Variants in ZFR observed in about 807,000 individuals in gnomAD.
ZFR encodes zinc finger RNA-binding protein.
In ZFR, 19 loss-of-function variants were observed where a neutral mutation model predicts 130.7. The ratio of observed to expected loss-of-function variants is 0.15; its 90% CI spans 0.10 to 0.21. The LOEUF (loss-of-function observed/expected upper bound fraction) is 0.21, where lower values mean the gene tolerates loss of function less well. ZFR is among the 10% of genes least tolerant of loss of function. ZFR has a pLI of 1.00. For synonymous variants in ZFR, 466 were observed against 456.9 expected (o/e 1.02, Z -0.25); for missense variants, 872 against 1,321.5 (o/e 0.66, Z 5.27).
chr5:32,397,399 C>T, intron 9 of ZFR, 61 bp from the exon 10 acceptor site: 1 of 1,567,884 alleles, frequency 6.4e-7, no homozygotes, highest in Non-Finnish European at 8.7e-7. Context: ...TTCATAAACC[C>T]CCACATATTA....
chr5:32,401,810 A>G (rs564652371), intron 8 of ZFR, among the ~76,000 whole-genome samples: 1 of 152,362 alleles, frequency 6.6e-6, no homozygotes, highest in East Asian at 1.9e-4. Context: ...AGAGACTTTT[A>G]AGGCCTAAAA....
Position 32,355,697 on chromosome 5 carries a change from G to C in ZFR, c.*63C>G, listed in dbSNP as rs1375885222. On this transcript the variant is annotated 3_prime_UTR_variant, in exon 20 of 20. Coordinates refer to ENST00000265069, the MANE Select transcript of ZFR (RefSeq NM_016107.5). ...AATTTTTCAATGTAGACATTATTAT[G>C]AATGAAAAACAGCCAACAAATGGGC... 27 of 1,403,390 alleles carry C rather than the reference G, an allele frequency of 1.9e-5. No individual in the cohort carries two copies. The highest frequency in any genetic ancestry group is 2.3e-5 in the Non-Finnish European group (24 of 1,045,100). The allele number at this position is 1,403,390 out of a possible 1,614,324, so 86.9% of individuals were successfully genotyped here.
chr5:32,413,413 T>C (rs1049528304), intron 5 of ZFR, among the ~76,000 whole-genome samples: 5 of 152,278 alleles, frequency 3.3e-5, no homozygotes, highest in East Asian at 1.9e-4. Context: ...GGAAGAAAAG[T>C]AGACAGAGAC....
chr5:32,412,109 G>C (rs976635308), intron 5 of ZFR, among the ~76,000 whole-genome samples: 1 of 152,190 alleles, frequency 6.6e-6, no homozygotes, highest in Non-Finnish European at 1.5e-5. Flanking sequence ...ACCACAGGGT[G>C]AAAGACAGTT....
At position 32,403,893 on chromosome 5, in the gene ZFR, A is replaced by G. The variant is rs761632726; in HGVS notation, c.1224+13T>C. ...AATCAAGGCATAAGGGTGTGTGGGA[A>G]AAAAACACCTACTTTCTGATGCTTA... On this transcript the variant is annotated intron_variant, in intron 7 of 19. Coordinates refer to ENST00000265069, the MANE Select transcript of ZFR (RefSeq NM_016107.5). 1 of 1,559,878 alleles carries G rather than the reference A, an allele frequency of 6.4e-7. No homozygotes were observed. The highest frequency in any genetic ancestry group is 8.7e-7 in the Non-Finnish European group (1 of 1,150,896).
At chr5:32,440,263 T>C (rs949588813) in intron 2 of ZFR, among the ~76,000 whole-genome samples, 2 of 152,220 alleles carry the variant, frequency 1.3e-5, no homozygotes, top group African/African-American at 2.4e-5. Context: ...CTTTATCCTG[T>C]GCACCCTCAA....
At chr5:32,440,982 T>A (rs1754458803) in intron 2 of ZFR, among the ~76,000 whole-genome samples, 1 of 152,218 alleles carries the variant, frequency 6.6e-6, no homozygotes, top group African/African-American at 2.4e-5. Flanking sequence ...ACTTTTATTG[T>A]ATTTTATTTT....
intron 17 of ZFR, among the ~76,000 whole-genome samples, chr5:32,375,029 T>A (rs1406024185): frequency 6.6e-6 from 1 of 152,122 alleles, no homozygotes; most frequent in African/African-American, 2.4e-5. Flanking sequence ...AAACAAAACA[T>A]AAAAAATTTG....
rs539206838 is a variant in ZFR at position 32,413,502 on chromosome 5, AT to A, written c.784+1466del. 1.7e-3 allele frequency among the ~76,000 whole-genome samples: 252 copies of A among 152,110 alleles called. 3 individuals are homozygous for A. Among genetic ancestry groups the A allele is most frequent in the African/African-American group, 5.9e-3 (244 of 41,562 alleles). On this transcript the variant is annotated intron_variant, in intron 5 of 19. Transcript: ENST00000265069. ...TAACTTTTTTTCTCTTTCTAAAAAA[AT>A]AGTTTCTAATTTATAAATAATAATA... is the stretch of plus-strand genomic sequence containing the variant.
chr5:32,409,590 G>A (rs558513858), intron 5 of ZFR, among the ~76,000 whole-genome samples: 1 of 152,192 alleles, frequency 6.6e-6, no homozygotes, highest in African/African-American at 2.4e-5. Context: ...ATTTTTAGTA[G>A]AGACGGGGTT....
chr5:32,376,675 T>TA (rs974799885), intron 17 of ZFR, among the ~76,000 whole-genome samples: 14 of 150,058 alleles, frequency 9.3e-5, no homozygotes, highest in East Asian at 3.9e-4. Context: ...CCAGAAATGA[T>TA]AAAAAAAATT....
chr5:32,427,062 C>T (rs1754090477), intron 2 of ZFR, among the ~76,000 whole-genome samples: 1 of 151,978 alleles, frequency 6.6e-6, no homozygotes, highest in South Asian at 2.1e-4. Context: ...AGTTGCATTC[C>T]TATATGTTAA....
intron 4 of ZFR, among the ~76,000 whole-genome samples, chr5:32,415,505 TGTGTGTGTGTGCGC>T (rs1300296662): frequency 3.1e-4 from 29 of 93,918 alleles, no homozygotes; most frequent in Middle Eastern, 8.7e-3. Flanking sequence ...TGTGTGTGTG[TGTGTGTGTGTGCGC>T]GCGCGCGCGC....
intron 17 of ZFR, among the ~76,000 whole-genome samples, chr5:32,366,958 C>T (rs1752561283): frequency 6.6e-6 from 1 of 150,996 alleles, no homozygotes; most frequent in Non-Finnish European, 1.5e-5. Context: ...CAGGCACGAT[C>T]ATAGCACACT....
chr5:32,375,369 AAC>A (rs750127708), intron 17 of ZFR, among the ~76,000 whole-genome samples: 9 of 152,218 alleles, frequency 5.9e-5, no homozygotes, highest in Admixed American at 1.3e-4. Context: ...ATAGACCAGA[AAC>A]ATTTTTAATA....
At chr5:32,373,802 T>C (rs937612772) in intron 17 of ZFR, among the ~76,000 whole-genome samples, 2 of 152,152 alleles carry the variant, frequency 1.3e-5, no homozygotes, top group Non-Finnish European at 2.9e-5. Flanking sequence ...AATGTATTTG[T>C]TGTTATATGT....
intron 15 of ZFR, among the ~76,000 whole-genome samples, chr5:32,381,111 T>C (rs1752926288): frequency 6.6e-6 from 1 of 152,090 alleles, no homozygotes; most frequent in Admixed American, 6.6e-5. Context: ...TAGGAACTAG[T>C]ATGGTTAAAC....
At chr5:32,408,055 T>C (rs768917433) in intron 5 of ZFR, among the ~76,000 whole-genome samples, 30 of 152,190 alleles carry the variant, frequency 2.0e-4, no homozygotes, top group Non-Finnish European at 2.5e-4. Context: ...TGCTTTATTT[T>C]TATAACTAAG....
rs778692433 is a variant in ZFR, at chr5:32,388,673, G to C, written c.2144C>G (p.Pro715Arg). Residue 715 changes from proline to arginine, a missense_variant and splice_region_variant, in exon 13 of 20, where the codon CCC becomes CGC. Physicochemically the swap from Pro to Arg is moderately radical, Grantham distance 103 (BLOSUM62 -2). Transcript: ENST00000265069. The stretch of plus-strand genomic sequence containing the variant: ...ATCAGATGAGTCAGGACGACGTAAG[G>C]GCTACAGAGAAACAAAGTTGCTCAA... ...GMPPQPQGPA[P>R]LRRPDSSDDR... 1.3e-6 allele frequency: 2 copies of C among 1,593,950 alleles called. No individual in the cohort carries two copies. The highest frequency in any genetic ancestry group is 3.6e-5 in the Admixed American group (2 of 55,684).
Sources: gnomAD v4.1 joint callset for allele counts (sites outside exome capture counted in the v4.1 genomes callset) on GRCh38, gnomAD v4.1.1 for gene constraint, MANE v1.5 for transcripts, NCBI Gene and HGNC (gene_info 2026-07-23, HGNC 2026-07-21) for gene names.